Variants in STAT4 observed in about 807,000 individuals in gnomAD.
STAT4 encodes signal transducer and activator of transcription 4.
In STAT4, 42 loss-of-function variants were observed where a neutral mutation model predicts 110.5. The observed-to-expected ratio is 0.38, with a 90% CI of 0.30 to 0.49. STAT4 has a LOEUF of 0.49. STAT4 is among the 20% of genes least tolerant of loss of function. The pLI, the probability that STAT4 is intolerant of heterozygous loss-of-function variation, is 0.95. For missense variants in STAT4, 632 were observed against 887.9 expected (o/e 0.71, Z 3.66); for synonymous variants, 284 against 302.2 (o/e 0.94, Z 0.63).
At chr2:191,129,640 C>T (rs1698978079) in intron 3 of STAT4, among the ~76,000 whole-genome samples, 1 of 152,150 alleles carries the variant, frequency 6.6e-6, no homozygotes, top group African/African-American at 2.4e-5. Flanking sequence ...CTCCTTACTT[C>T]TTTCTTGACT....
rs762868543 is a variant in STAT4, at chr2:191,061,797, T to C, written c.966A>G (p.Pro322=). ...GCCTCTGAGGGTGGGTTGGCATACATGGCTGTCGCTCAACCACAAATGAGC... is the reference window on the plus strand; with the variant it reads ...GCCTCTGAGGGTGGGTTGGCATACACGGCTGTCGCTCAACCACAAATGAGC... ...FKNSFVVERQ[P]CMPTHPQRPL... The change falls in exon 10 of 24, where the codon CCA becomes CCG. Residue 322 remains proline (P), a synonymous_variant. Transcript: ENST00000392320. The surrounding 1 kb of genome is among the most constrained non-coding windows in gnomAD (Gnocchi z 6.2). The C allele has an allele frequency of 1.2e-5, 20 of 1,612,484 alleles. No homozygotes were observed. The Admixed American group carries it at 1.7e-4, about 14-fold the overall frequency.
At chr2:191,097,452 CAGAA>C (rs1698024646) in intron 3 of STAT4, among the ~76,000 whole-genome samples, 1 of 152,118 alleles carries the variant, frequency 6.6e-6, no homozygotes, top group African/African-American at 2.4e-5. Context: ...ACAGAGGCCT[CAGAA>C]ATAACACCAC....
chr2:191,119,555 G>A (rs1216733205), intron 3 of STAT4, among the ~76,000 whole-genome samples: 1 of 152,080 alleles, frequency 6.6e-6, no homozygotes, highest in African/African-American at 2.4e-5. Context: ...GATGTTTTGT[G>A]TTTAAGAATT....
intron 13 of STAT4, among the ~76,000 whole-genome samples, chr2:191,055,174 T>C (rs956890635): frequency 3.3e-5 from 5 of 151,976 alleles, no homozygotes; most frequent in Non-Finnish European, 5.9e-5. Flanking sequence ...GGTGGAATTA[T>C]AGGTGACAAT....
chr2:191,094,918 A>C (rs1697921345), intron 3 of STAT4, among the ~76,000 whole-genome samples: 1 of 13,962 alleles, frequency 7.2e-5, no homozygotes, highest in East Asian at 0.016. Flanking sequence ...AATGGAAAGC[A>C]AAAAAAAAAA....
chr2:191,054,383 A>T, intron 14 of STAT4, 107 bp downstream of exon 14: 3 of 935,702 alleles, frequency 3.2e-6, no homozygotes, highest in Non-Finnish European at 4.8e-6. Flanking sequence ...AATGAGAAAA[A>T]CATGAATTTG....
At chr2:191,055,350 CA>C (rs1383668574) in intron 13 of STAT4, among the ~76,000 whole-genome samples, 1 of 150,376 alleles carries the variant, frequency 6.6e-6, no homozygotes, top group Non-Finnish European at 1.5e-5. Flanking sequence ...AGGCGCCCAC[CA>C]CCAAGCCTGG....
At chr2:191,041,952 G>A (rs1696211350) in intron 14 of STAT4, among the ~76,000 whole-genome samples, 1 of 152,192 alleles carries the variant, frequency 6.6e-6, no homozygotes, top group Admixed American at 6.5e-5. Context: ...GTTAGGTGCT[G>A]TGTGTGCTAA....
Position 191,099,772 on chromosome 2 carries a change from T to C in STAT4, c.274-23447A>G, listed in dbSNP as rs1484385114. 1.3e-5 allele frequency among the ~76,000 whole-genome samples: 2 copies of C among 151,972 alleles called. No individual in the cohort carries two copies. The highest frequency in any genetic ancestry group is 6.6e-5 in the Admixed American group (1 of 15,240). ...ATGTCTTTGAAGGTAGTGGTGTGGA[T>C]GGAGGTAAGGAAAAAAGAAGTGGGA... is the stretch of plus-strand genomic sequence containing the variant. On this transcript the variant is annotated intron_variant, in intron 3 of 23. Coordinates refer to ENST00000392320, the MANE Select transcript of STAT4 (RefSeq NM_003151.4). The surrounding 1 kb of genome is among the most constrained non-coding windows in gnomAD (Gnocchi z 4.1).
intron 3 of STAT4, among the ~76,000 whole-genome samples, chr2:191,093,998 G>T (rs1697885721): frequency 6.6e-6 from 1 of 152,136 alleles, no homozygotes; most frequent in Non-Finnish European, 1.5e-5. Flanking sequence ...CGTGATTGAA[G>T]ATCAAATTAA....
In STAT4 at chr2:191,142,556, T is replaced by C. The variant is rs1227103090; in HGVS notation, c.273+4057A>G. Among the ~76,000 whole-genome samples, 2 of 152,178 alleles carry C rather than the reference T, an allele frequency of 1.3e-5. No homozygotes were observed. The highest frequency in any genetic ancestry group is 6.5e-5 in the Admixed American group (1 of 15,272). On this transcript the variant is annotated intron_variant, in intron 3 of 23. Coordinates refer to ENST00000392320, the MANE Select transcript of STAT4 (RefSeq NM_003151.4). The surrounding 1 kb of genome is among the most constrained non-coding windows in gnomAD (Gnocchi z 4.1). ...TTCTAACATTCTATAGCAGGGTTAA[T>C]ATAGTTAACAACAATGTAATGTATA...
chr2:191,127,227 T>A (rs1698905391), intron 3 of STAT4, among the ~76,000 whole-genome samples: 1 of 152,196 alleles, frequency 6.6e-6, no homozygotes, highest in Admixed American at 6.5e-5. Context: ...TGGATATTTT[T>A]CAATAAAAAC....
In STAT4 at chr2:191,031,415, AT is replaced by A. The variant is rs1695889527; in HGVS notation, c.2111+34del. On this transcript the variant is annotated intron_variant, in intron 22 of 23. Coordinates refer to ENST00000392320, the MANE Select transcript of STAT4 (RefSeq NM_003151.4). This position sits in a 1 kb window ranked among gnomAD's most constrained non-coding sequence, Gnocchi z 4.8. Reference sequence around the variant, plus strand: ...TAAATCTCCTATAGGAAAGCTTTTTATAAAAATATTTCACATGTGACTAACA... The same window carrying A: ...TAAATCTCCTATAGGAAAGCTTTTTAAAAAATATTTCACATGTGACTAACA... 6.3e-7 allele frequency: 1 copy of A among 1,597,788 alleles called. No individual in the cohort carries two copies. Among genetic ancestry groups the A allele is most frequent in the Admixed American group, 1.7e-5 (1 of 57,434 alleles).
chr2:191,151,236 G>C (rs1699583851), upstream of STAT4: 2 of 985,654 alleles, frequency 2.0e-6, no homozygotes, highest in Non-Finnish European at 2.4e-6. The surrounding 1 kb of genome is among the most constrained non-coding windows in gnomAD (Gnocchi z 4.7). Flanking sequence ...CGCAACTGCA[G>C]GTGGCTCAGC....
Position 191,059,807 on chromosome 2 carries a change from G to A in STAT4, c.1035-1038C>T, listed in dbSNP as rs1214768632. 6.6e-6 allele frequency among the ~76,000 whole-genome samples: 1 copy of A among 152,202 alleles called. No homozygotes were observed. Among genetic ancestry groups the A allele is most frequent in the African/African-American group, 2.4e-5 (1 of 41,450 alleles). ...AAGGCACAAGATTGGTTCAGGATCT[G>A]GAGTATGTTGAGTGTGCAGTCATTG... On this transcript the variant is annotated intron_variant, in intron 10 of 23. Coordinates refer to ENST00000392320, the MANE Select transcript of STAT4 (RefSeq NM_003151.4). This position sits in a 1 kb window ranked among gnomAD's most constrained non-coding sequence, Gnocchi z 4.7.
rs953597435 is a variant in STAT4, at chr2:191,083,123, A to T, written c.274-6798T>A. ...GAAACACATAACCAACAACTGTCCT[A>T]GCTTGGGTTTCTTCAGAAACTGACC... On this transcript the variant is annotated intron_variant, in intron 3 of 23. Transcript: ENST00000392320. The surrounding 1 kb of genome is among the most constrained non-coding windows in gnomAD (Gnocchi z 4.6). Among the ~76,000 whole-genome samples, 1 of 152,184 alleles carries T rather than the reference A, an allele frequency of 6.6e-6. No homozygotes were observed. The highest frequency in any genetic ancestry group is 1.5e-5 in the Non-Finnish European group (1 of 68,036).
chr2:191,073,017 C>A, intron 5 of STAT4, 81 bp downstream of exon 5: 1 of 1,126,022 alleles, frequency 8.9e-7, no homozygotes, highest in Non-Finnish European at 1.3e-6. Flanking sequence ...TATACATTAA[C>A]TTTGGGTGCA....
At chr2:191,109,183 T>C (rs759434422) in intron 3 of STAT4, among the ~76,000 whole-genome samples, 11 of 152,178 alleles carry the variant, frequency 7.2e-5, no homozygotes, top group Non-Finnish European at 1.5e-4. Flanking sequence ...TCTCCATTTC[T>C]ACAAGCGAAA....
chr2:191,149,856 G>A (rs1404141959), intron 1 of STAT4, among the ~76,000 whole-genome samples: 1 of 152,084 alleles, frequency 6.6e-6, no homozygotes, highest in Non-Finnish European at 1.5e-5. Context: ...TTAAACCCCC[G>A]CTATGATTTG....
Sources: gnomAD v4.1 joint callset for allele counts (sites outside exome capture counted in the v4.1 genomes callset) on GRCh38, gnomAD v4.1.1 for gene constraint, Gnocchi (gnomAD v3.1) non-coding constraint, MANE v1.5 for transcripts, NCBI Gene and HGNC (gene_info 2026-07-23, HGNC 2026-07-21) for gene names.